GLI3: variants seen among roughly 807,000 people sequenced by gnomAD.
GLI3 encodes transcription activator GLI3.
In GLI3, 20 loss-of-function variants were observed where a neutral mutation model predicts 100.8. The observed-to-expected ratio is 0.20, with a 90% confidence interval of 0.14 to 0.29. GLI3 has a LOEUF of 0.29. GLI3 is among the 10% of genes least tolerant of loss of function. The probability of loss-of-function intolerance (pLI) is 1.00; values close to 1 mark genes in which losing one functional copy is unlikely to be tolerated. For missense variants in GLI3, 2,040 were observed against 2,128.5 expected, an observed-to-expected ratio of 0.96 and a Z score of 0.82; for synonymous variants, 938 against 860.5, an observed-to-expected ratio of 1.09 and a Z score of -1.58.
At chr7:42,101,439 A>AT (rs952003784) in intron 3 of GLI3, among the ~76,000 whole-genome samples, 11 of 148,872 alleles carry the variant, frequency 7.4e-5, no homozygotes, top group South Asian at 2.1e-4. Flanking sequence ...GGTCTCTACA[A>AT]TTTTTTTTTT....
chr7:42,094,810 C>T (rs556050957), intron 3 of GLI3, among the ~76,000 whole-genome samples: 26 of 152,236 alleles, frequency 1.7e-4, no homozygotes, highest in Admixed American at 1.1e-3. Flanking sequence ...CCAGGCCCCA[C>T]GGATTCCCAA....
chr7:42,100,861 G>A (rs1325258854), intron 3 of GLI3, among the ~76,000 whole-genome samples: 1 of 152,180 alleles, frequency 6.6e-6, no homozygotes, highest in Non-Finnish European at 1.5e-5. Flanking sequence ...CCAGAAGCTG[G>A]AAGAGGCAAG....
Position 42,100,119 on chromosome 7 carries a change from G to T in GLI3, c.368-23262C>A, listed in dbSNP as rs1785426971. ...ACATGCCAAGTCAATCAATACCAGT[G>T]TCTCCCACTCCCAACCCCAGTATTT... On this transcript the variant is annotated intron_variant, in intron 3 of 14. Coordinates refer to ENST00000395925, the MANE Select transcript of GLI3 (RefSeq NM_000168.6). Among the ~76,000 whole-genome samples the T allele has an allele frequency of 1.3e-5, 2 of 152,200 alleles. 1 individual carries two copies. The highest frequency in any genetic ancestry group is 4.1e-4 in the South Asian group (2 of 4,836).
intron 10 of GLI3, among the ~76,000 whole-genome samples, chr7:42,002,066 ACACACACACAC>A (rs1788317563): frequency 5.3e-5 from 2 of 38,012 alleles, no homozygotes; most frequent in African/African-American, 8.6e-4. Context: ...ACACACACAC[ACACACACACAC>A]GCACACACAC....
At chr7:42,238,007 C>CCTCCTCCTCCTCCTCCTT (rs1469007969), upstream of GLI3, 4 of 152,546 alleles carry the variant, frequency 2.6e-5, no homozygotes, top group South Asian at 1.6e-4. Flanking sequence ...GCCGCCGCCT[C>CCTCCTCCTCCTCCTCCTT]CTCCTCCTCC....
intron 2 of GLI3, among the ~76,000 whole-genome samples, chr7:42,175,138 GGTGTGTCT>G (rs1485577909): frequency 6.6e-6 from 1 of 152,120 alleles, no homozygotes; most frequent in African/African-American, 2.4e-5. Flanking sequence ...TGTGGTACTT[GGTGTGTCT>G]GTGTGTCTGT....
At position 42,048,664 on chromosome 7, in the gene GLI3, G is replaced by A. The variant is rs1419861206; in HGVS notation, c.506C>T (p.Pro169Leu). The change falls in exon 5 of 15, where the codon CCG becomes CTG. Residue 169 changes from proline (P) to leucine (L), a missense_variant. Pro to Leu is a moderately conservative substitution (Grantham distance 98, BLOSUM62 -3). Coordinates refer to ENST00000395925, the MANE Select transcript of GLI3 (RefSeq NM_000168.6). Reference protein sequence around the residue: ...TSALSSSPTYPDLPFIRISPH... With the variant: ...TSALSSSPTYLDLPFIRISPH... The stretch of plus-strand genomic sequence containing the variant: ...GGAGATCCTAATGAAGGGCAGGTCC[G>A]GATACGTAGGGCTACTAGATAAGGC... The A allele has an allele frequency of 9.9e-6, 16 of 1,609,838 alleles. No homozygotes were observed. The highest frequency in any genetic ancestry group is 6.7e-5 in the East Asian group (3 of 44,758).
chr7:42,160,013 C>T (rs1787095599), intron 2 of GLI3, among the ~76,000 whole-genome samples: 1 of 152,196 alleles, frequency 6.6e-6, no homozygotes, highest in African/African-American at 2.4e-5. Flanking sequence ...AGACTTGCTC[C>T]TAGCACTTAA....
Position 42,260,219 on chromosome 7 carries a change from G to A in GLI3, c.-43+3775C>T, listed in dbSNP as rs112528107. 9.1e-3 allele frequency among the ~76,000 whole-genome samples: 1,384 copies of A among 152,218 alleles called. 11 individuals are homozygous for A. Among genetic ancestry groups the A allele is most frequent in the Middle Eastern group, 0.027 (8 of 294 alleles). On this transcript the variant is annotated intron_variant, in intron 1 of 2. Transcript: ENST00000678978. The stretch of plus-strand genomic sequence containing the variant: ...AATGACATATATAATGAACATCTAC[G>A]TACCATTTGACAATTTCTACAAATA...
intron 3 of GLI3, among the ~76,000 whole-genome samples, chr7:42,139,569 C>T (rs995400879): frequency 1.3e-4 from 20 of 152,158 alleles, no homozygotes; most frequent in African/African-American, 4.8e-4. Context: ...ATCCCAGCTA[C>T]TCAGGAGGCT....
chr7:42,076,068 T>C (rs758869297), intron 4 of GLI3, among the ~76,000 whole-genome samples: 4 of 152,236 alleles, frequency 2.6e-5, no homozygotes, highest in Non-Finnish European at 4.4e-5. Flanking sequence ...CTCCAATTAT[T>C]ATGGTACATG....
intron 2 of GLI3, among the ~76,000 whole-genome samples, chr7:42,202,691 C>T (rs547627508): frequency 6.6e-6 from 1 of 152,288 alleles, no homozygotes; most frequent in Non-Finnish European, 1.5e-5. Flanking sequence ...GTGAATGCAT[C>T]GTCTTTTGCC....
chr7:42,207,421 G>A (rs774854839), intron 2 of GLI3, among the ~76,000 whole-genome samples: 4 of 152,188 alleles, frequency 2.6e-5, no homozygotes, highest in Non-Finnish European at 5.9e-5. Flanking sequence ...TAAAAAGCGA[G>A]GTAAGGTTTT....
In GLI3 at chr7:42,015,675, AC is replaced by A. The variant is rs1212718062; in HGVS notation, c.1497+7792del. Among the ~76,000 whole-genome samples the A allele has an allele frequency of 2.0e-5, 3 of 151,608 alleles. No homozygotes were observed. The East Asian group carries it at 5.8e-4, about 30-fold the overall frequency. ...TGGCTGGTTATGGGCCTTACTGAGA[AC>A]TACTGTGTGCCTAACCTTAGCAAAT... On this transcript the variant is annotated intron_variant, in intron 10 of 14. Coordinates refer to ENST00000395925, the MANE Select transcript of GLI3 (RefSeq NM_000168.6).
chr7:42,099,016 G>A (rs1785401182), intron 3 of GLI3, among the ~76,000 whole-genome samples: 1 of 152,168 alleles, frequency 6.6e-6, no homozygotes, highest in South Asian at 2.1e-4. Context: ...TGCCCTGAGA[G>A]TGGCTCTATC....
intron 4 of GLI3, among the ~76,000 whole-genome samples, chr7:42,059,679 T>C (rs1344239475): frequency 2.6e-5 from 4 of 152,242 alleles, no homozygotes; most frequent in African/African-American, 7.2e-5. Context: ...GAATGGGCGA[T>C]GGAGAGCTGC....
chr7:42,015,053 A>G (rs1788719517), intron 10 of GLI3, among the ~76,000 whole-genome samples: 1 of 152,224 alleles, frequency 6.6e-6, no homozygotes, highest in African/African-American at 2.4e-5. Context: ...AAGTACTTCC[A>G]TTATAGGATC....
In GLI3 at chr7:41,964,786, G is replaced by C; in HGVS notation, c.4287C>G (p.Pro1429=). ...NGIKMEMKGQ[P]HPLCSNLQNY... Reference sequence around the variant, plus strand: ...TCTGCAGATTAGAGCACAGCGGATGGGGCTGCCCTTTCATCTCCATCTTGA... The same window carrying C: ...TCTGCAGATTAGAGCACAGCGGATGCGGCTGCCCTTTCATCTCCATCTTGA... The change falls in exon 15 of 15, where the codon CCC becomes CCG. Residue 1429 remains proline (P), a synonymous_variant. Transcript: ENST00000395925. The C allele has an allele frequency of 6.2e-7, 1 of 1,613,952 alleles. No homozygotes were observed. The highest frequency in any genetic ancestry group is 8.5e-7 in the Non-Finnish European group (1 of 1,179,882).
At chr7:41,989,987 C>CAA (rs60763223) in intron 10 of GLI3, among the ~76,000 whole-genome samples, 2,255 of 62,422 alleles carry the variant, frequency 0.036, 110 homozygotes, top group African/African-American at 0.1. Context: ...ACTCTGTCTC[C>CAA]AAAAAAAAAA....
Sources: gnomAD v4.1 joint callset for allele counts (sites outside exome capture counted in the v4.1 genomes callset) on GRCh38, gnomAD v4.1.1 for gene constraint, MANE v1.5 for transcripts, NCBI Gene and HGNC (gene_info 2026-07-23, HGNC 2026-07-21) for gene names.